CWF19L2: variants seen among roughly 807,000 people sequenced by gnomAD.
CWF19L2 encodes the protein CWF19-like protein 2.
A neutral mutation model predicts 111.7 loss-of-function variants in CWF19L2; 98 were observed. The observed-to-expected ratio is 0.88, with a 90% CI of 0.75 to 1.04. CWF19L2 has a LOEUF of 1.04. CWF19L2 is among the 50% of genes least tolerant of loss of function. CWF19L2 has a pLI of 0.00. For missense variants in CWF19L2, 1,101 were observed against 1,051.4 expected (o/e 1.05, Z -0.65); for synonymous variants, 351 against 342.9 (o/e 1.02, Z -0.26).
At chr11:107,420,934 C>G (rs1196269735) in intron 8 of CWF19L2, among the ~76,000 whole-genome samples, 1 of 151,718 alleles carries the variant, frequency 6.6e-6, no homozygotes, top group African/African-American at 2.4e-5. Flanking sequence ...ATAATACTAT[C>G]AACTAACATG....
chr11:107,451,868 C>A (rs1278716421), intron 3 of CWF19L2, among the ~76,000 whole-genome samples: 2 of 152,136 alleles, frequency 1.3e-5, no homozygotes, highest in African/African-American at 2.4e-5. Flanking sequence ...AAAGCACTTA[C>A]CAAATTCAAT....
intron 11 of CWF19L2, among the ~76,000 whole-genome samples, chr11:107,391,939 T>C (rs1278658834): frequency 6.6e-6 from 1 of 152,224 alleles, no homozygotes; most frequent in Non-Finnish European, 1.5e-5. Flanking sequence ...CTCAGTAATA[T>C]GCAACTCAAA....
intron 3 of CWF19L2, among the ~76,000 whole-genome samples, chr11:107,449,052 T>C (rs1302169082): frequency 1.4e-5 from 2 of 139,888 alleles, no homozygotes; most frequent in Non-Finnish European, 3.1e-5. Context: ...GCACACTACA[T>C]ACAGAGAAAA....
Position 107,353,692 on chromosome 11 carries a change from C to T in CWF19L2, c.1917G>A (p.Met639Ile), listed in dbSNP as rs751006430. The T allele has an allele frequency of 1.2e-6, 2 of 1,613,742 alleles. No individual in the cohort carries two copies. Among genetic ancestry groups the T allele is most frequent in the East Asian group, 4.5e-5 (2 of 44,838 alleles). ...CTCTCTCAGCTGCTTTGGAGACAAACATGTCATCCAGGGTGTAATAGTCTC... is the reference window on the plus strand; with the variant it reads ...CTCTCTCAGCTGCTTTGGAGACAAATATGTCATCCAGGGTGTAATAGTCTC... ...TDGDYYTLDDMFVSKAAERER... is the reference protein window; with the variant it reads ...TDGDYYTLDDIFVSKAAERER... The change falls in exon 13 of 18, where the codon ATG (methionine) becomes ATA (isoleucine). Residue 639 changes from methionine to isoleucine, a missense_variant. Met to Ile is a conservative substitution (Grantham distance 10, BLOSUM62 1). Transcript: ENST00000282251.
rs79202499 is a variant in CWF19L2, at chr11:107,449,301, A to G, written c.339+5149T>C. ...TTCAAACAAAAGCTGAGAGAATACAATGTCTGCAAATCCATATTATAATAC... is the reference window on the plus strand; with the variant it reads ...TTCAAACAAAAGCTGAGAGAATACAGTGTCTGCAAATCCATATTATAATAC... On this transcript the variant is annotated intron_variant, in intron 3 of 17. Transcript: ENST00000282251. Among the ~76,000 whole-genome samples, 1,431 of 152,218 alleles carry G rather than the reference A, an allele frequency of 9.4e-3. 21 individuals carry two copies. The highest frequency in any genetic ancestry group is 0.032 in the African/African-American group (1,312 of 41,564).
chr11:107,449,601 T>C (rs1031767896), intron 3 of CWF19L2, among the ~76,000 whole-genome samples: 1 of 152,040 alleles, frequency 6.6e-6, no homozygotes, highest in Non-Finnish European at 1.5e-5. Flanking sequence ...AATGGAAGTA[T>C]ATTTTGGTGA....
intron 14 of CWF19L2, among the ~76,000 whole-genome samples, chr11:107,343,032 A>G (rs937451729): frequency 6.6e-6 from 1 of 152,058 alleles, no homozygotes; most frequent in African/African-American, 2.4e-5. Context: ...GCCCCATAAG[A>G]CTCACTTGGA....
At chr11:107,423,522 T>C (rs769503294) in intron 8 of CWF19L2, among the ~76,000 whole-genome samples, 9 of 151,988 alleles carry the variant, frequency 5.9e-5, no homozygotes, top group Non-Finnish European at 1.0e-4. Context: ...CTTTTCCTTC[T>C]GCCATTTGTA....
At chr11:107,402,902 T>TATAA (rs1209928404) in intron 10 of CWF19L2, among the ~76,000 whole-genome samples, 4 of 126,616 alleles carry the variant, frequency 3.2e-5, no homozygotes, top group Non-Finnish European at 6.5e-5. Flanking sequence ...TATATATATA[T>TATAA]AATGGAATAC....
chr11:107,405,617 A>T (rs183755805), intron 10 of CWF19L2, among the ~76,000 whole-genome samples: 113 of 152,278 alleles, frequency 7.4e-4, no homozygotes, highest in Non-Finnish European at 1.4e-3. Context: ...CAAATACATG[A>T]AACAACCACT....
At chr11:107,379,337 G>A (rs1483988578) in intron 12 of CWF19L2, among the ~76,000 whole-genome samples, 1 of 140,482 alleles carries the variant, frequency 7.1e-6, no homozygotes, top group African/African-American at 3.2e-5. Context: ...TAGGGTGAGA[G>A]GGGTTGCTAT....
At chr11:107,383,848 G>A (rs988500835) in intron 12 of CWF19L2, among the ~76,000 whole-genome samples, 4 of 152,202 alleles carry the variant, frequency 2.6e-5, no homozygotes, top group African/African-American at 9.6e-5. Context: ...TCAGATTTCT[G>A]TTCAACATGA....
rs547934221 is a variant in CWF19L2 at position 107,454,561 on chromosome 11, C to T, written c.228G>A (p.Val76=). 9.4e-5 allele frequency: 133 copies of T among 1,412,694 alleles called. No homozygotes were observed. In the East Asian group the frequency reaches 3.0e-3, roughly 31 times the overall value. The allele number at this position is 1,412,694 out of a possible 1,614,324, so 87.5% of individuals were successfully genotyped here. The part of the protein sequence containing the change: ...RIEQFSQEHS[V]KKKKKKDKHS... ...GCTTGTCTTTTTTCTTCTTTTTCTT[C>T]ACAGAGTGTTCCTACAATCATTTTG... The change falls in exon 3 of 18, where the codon GTG becomes GTA. Residue 76 remains valine (V), a synonymous_variant. Coordinates refer to ENST00000282251, the MANE Select transcript of CWF19L2 (RefSeq NM_152434.3).
At chr11:107,452,457 A>AATCAAAGACAT (rs1178524243) in intron 3 of CWF19L2, among the ~76,000 whole-genome samples, 3 of 152,206 alleles carry the variant, frequency 2.0e-5, no homozygotes, top group Admixed American at 2.0e-4. Context: ...TTGTGAGAAA[A>AATCAAAGACAT]ATCAAAGACA....
At chr11:107,399,824 T>G (rs1299608288) in intron 10 of CWF19L2, among the ~76,000 whole-genome samples, 1 of 152,078 alleles carries the variant, frequency 6.6e-6, no homozygotes, top group Non-Finnish European at 1.5e-5. Flanking sequence ...GGCCATAAAA[T>G]GAGCCTAGAT....
chr11:107,428,978 TG>T lies in CWF19L2; in HGVS notation c.1253del (p.Ser418TyrfsTer42), dbSNP rs1425751092. On this transcript the variant is annotated frameshift_variant, in exon 8 of 18. Transcript: ENST00000282251. LOFTEE classifies it high-confidence loss of function. ...CTCCTCTCCCATCAGAGCGACTCCA[TG>T]ATGTTAATCTTTCTTCACTGTTCTT... ...PTKNSEERLTSWSRSDGRGDK... is the reference protein window; with the variant it reads ...PTKNSEERLTXWSRSDGRGDK... 6.2e-7 allele frequency: 1 copy of T among 1,613,686 alleles called. No homozygotes were observed. Among genetic ancestry groups the T allele is most frequent in the Admixed American group, 1.7e-5 (1 of 59,996 alleles).
rs1486939369 is a variant in CWF19L2, at chr11:107,363,309, G to C, written c.1873-9573C>G. 2.0e-5 allele frequency among the ~76,000 whole-genome samples: 3 copies of C among 152,148 alleles called. No individual in the cohort carries two copies. In the East Asian group the frequency reaches 5.8e-4, roughly 29 times the overall value. On this transcript the variant is annotated intron_variant, in intron 12 of 17. Transcript: ENST00000282251. ...CAAGGCAGGCCAACGTTCAGATTCAGGAAGTACAGAGAATGCCACAAAGAT... is the reference window on the plus strand; with the variant it reads ...CAAGGCAGGCCAACGTTCAGATTCACGAAGTACAGAGAATGCCACAAAGAT...
Position 107,443,003 on chromosome 11 carries a change from T to C in CWF19L2, c.386A>G (p.Asp129Gly). Residue 129 changes from aspartate (D) to glycine (G), a missense_variant, in exon 4 of 18, where the codon GAC becomes GGC. Transcript: ENST00000282251. ...TTTCACTTTCCAGGCTTTTTCCTTG[T>C]CAGGAGTCTGGGATGGAACAGCCTC... is the stretch of plus-strand genomic sequence containing the variant. ...WVEAVPSQTPDKEKAWKVKDE... is the reference protein window; with the variant it reads ...WVEAVPSQTPGKEKAWKVKDE... The C allele has an allele frequency of 6.4e-7, 1 of 1,551,982 alleles. No homozygotes were observed. The highest frequency in any genetic ancestry group is 8.7e-7 in the Non-Finnish European group (1 of 1,146,950).
At chr11:107,423,858 G>C (rs1365458208) in intron 8 of CWF19L2, among the ~76,000 whole-genome samples, 3 of 151,582 alleles carry the variant, frequency 2.0e-5, no homozygotes, top group Non-Finnish European at 4.4e-5. Flanking sequence ...AGAAATGTTT[G>C]AGGATTATTA....
Sources: allele counts gnomAD v4.1 joint callset (sites outside exome capture counted in the v4.1 genomes callset), GRCh38; gene constraint gnomAD v4.1.1; transcripts MANE v1.5; gene names NCBI Gene and HGNC (gene_info 2026-07-23, HGNC 2026-07-21).